The following TNS3 variants were observed in gnomAD, a reference collection of about 807,000 sequenced individuals.
The protein encoded by TNS3 is tensin 3.
TNS3 carries 45 observed loss-of-function variants against 140.9 expected under a neutral mutation model. The observed-to-expected ratio is 0.32, with a 90% CI of 0.25 to 0.41. The LOEUF is 0.41. TNS3 is among the 10% of genes least tolerant of loss of function. TNS3 has a pLI of 1.00. For synonymous variants in TNS3, 815 were observed against 788.4 expected (o/e 1.03, Z -0.56); for missense variants, 1,716 against 1,906.7 (o/e 0.90, Z 1.86).
intron 1 of TNS3, among the ~76,000 whole-genome samples, chr7:47,540,732 G>A (rs769544289): frequency 2.0e-5 from 3 of 152,216 alleles, no homozygotes; most frequent in Non-Finnish European, 4.4e-5. Context: ...AGGAAAAGAG[G>A]TGAGGAGAGG....
chr7:47,550,794 C>G (rs1047802531), intron 1 of TNS3, among the ~76,000 whole-genome samples: 4 of 152,082 alleles, frequency 2.6e-5, no homozygotes, highest in Non-Finnish European at 5.9e-5. Flanking sequence ...GATTCGAATA[C>G]TATGAAGTCA....
chr7:47,445,982 A>G (rs1442003883), intron 4 of TNS3, among the ~76,000 whole-genome samples: 2 of 152,244 alleles, frequency 1.3e-5, no homozygotes, highest in Non-Finnish European at 2.9e-5. Context: ...AACTTGCTAT[A>G]GGTTATATTA....
At chr7:47,430,442 A>C (rs545733313) in intron 8 of TNS3, among the ~76,000 whole-genome samples, 50 of 151,930 alleles carry the variant, frequency 3.3e-4, no homozygotes, top group African/African-American at 1.2e-3. Context: ...TAAAGCAAAT[A>C]TTAAAAGATC....
chr7:47,489,114 A>T (rs745681836), intron 3 of TNS3, among the ~76,000 whole-genome samples: 1 of 152,158 alleles, frequency 6.6e-6, no homozygotes, highest in Non-Finnish European at 1.5e-5. Context: ...TTATCCCACT[A>T]AGCGTCAAAG....
At chr7:47,446,713 T>TTTTTTTTTG (rs1795756728) in intron 4 of TNS3, among the ~76,000 whole-genome samples, 1 of 140,252 alleles carries the variant, frequency 7.1e-6, no homozygotes, top group Non-Finnish European at 1.6e-5. Flanking sequence ...TTTTTTTTTT[T>TTTTTTTTTG]GAGTCTCACT....
rs762133923 is a variant in TNS3 at position 47,344,993 on chromosome 7, T to G, written c.2497A>C (p.Arg833=). 38 of 1,614,128 alleles carry G rather than the reference T, an allele frequency of 2.4e-5. No homozygotes were observed. In the African/African-American group the frequency reaches 4.4e-4, roughly 19 times the overall value. ...YPQDLDIIDG[R]ILSSKESMCS... ...ATGGACTCCTTGCTACTTAAAATTC[T>G]GCCATCGATAATATCGAGGTCCTGG... Residue 833 remains arginine (R), a synonymous_variant, in exon 19 of 31, where the codon AGA becomes CGA. Coordinates refer to ENST00000311160, the MANE Select transcript of TNS3 (RefSeq NM_022748.12).
chr7:47,285,208 T>G (rs1430807754), intron 27 of TNS3, among the ~76,000 whole-genome samples: 6 of 152,236 alleles, frequency 3.9e-5, no homozygotes, highest in South Asian at 2.1e-4. Context: ...ATCCTTTCTA[T>G]CCACCGCAAA....
At chr7:47,472,508 A>T (rs917830430) in intron 4 of TNS3, among the ~76,000 whole-genome samples, 12 of 152,210 alleles carry the variant, frequency 7.9e-5, no homozygotes, top group African/African-American at 2.9e-4. Flanking sequence ...ATATAGGGAG[A>T]AACTTTCAAA....
At chr7:47,414,430 G>A (rs1793961271) in intron 11 of TNS3, among the ~76,000 whole-genome samples, 1 of 152,220 alleles carries the variant, frequency 6.6e-6, no homozygotes, top group Non-Finnish European at 1.5e-5. Flanking sequence ...GCATAGGACT[G>A]GGAAGGAGAG....
intron 20 of TNS3, among the ~76,000 whole-genome samples, chr7:47,327,742 C>G (rs889350302): frequency 2.0e-5 from 3 of 152,206 alleles, no homozygotes; most frequent in African/African-American, 7.2e-5. Context: ...GAACTGTCAT[C>G]AAGTGACAAG....
rs772031643 is a variant in TNS3, at chr7:47,369,193, G to A, written c.1453C>T (p.His485Tyr). The change falls in exon 17 of 31, where the codon CAC (histidine) becomes TAC (tyrosine). Residue 485 changes from histidine to tyrosine, a missense_variant. By Grantham distance (83) the His-to-Tyr change is moderately conservative (BLOSUM62 2). Coordinates refer to ENST00000311160, the MANE Select transcript of TNS3 (RefSeq NM_022748.12). Reference protein sequence around the residue: ...TDILDDEMPHHDLHSVDSLGT... With the variant: ...TDILDDEMPHYDLHSVDSLGT... ...AGGCTGTCCACACTGTGCAGGTCGT[G>A]GTGGGGCATCTCGTCATCCAGAATG... 26 of 1,614,072 alleles carry A rather than the reference G, an allele frequency of 1.6e-5. No individual in the cohort carries two copies. The highest frequency in any genetic ancestry group is 2.1e-5 in the Non-Finnish European group (25 of 1,180,046).
chr7:47,282,958 G>A (rs556997178), intron 28 of TNS3, among the ~76,000 whole-genome samples: 3 of 152,192 alleles, frequency 2.0e-5, no homozygotes, highest in African/African-American at 7.2e-5. Context: ...TGGGAAAGCA[G>A]CCAGGCTGGT....
rs1443770188 is a variant in TNS3 at position 47,503,728 on chromosome 7, C to T, written c.-115+3179G>A. ...TCTAAGTCCATGTGGGCTGCTATAA[C>T]AAAATATTGGGAGGCTTATAAACAA... On this transcript the variant is annotated intron_variant, in intron 3 of 30. Transcript: ENST00000311160. 2.6e-5 allele frequency among the ~76,000 whole-genome samples: 4 copies of T among 152,038 alleles called. No homozygotes were observed. In the East Asian group the frequency reaches 7.7e-4, roughly 29 times the overall value.
chr7:47,292,798 A>G (rs936621278), intron 26 of TNS3, 30 bp downstream of exon 26: 1 of 1,603,880 alleles, frequency 6.2e-7, no homozygotes, highest in Non-Finnish European at 8.5e-7. Context: ...CAATCTACAC[A>G]GAGCCTGACT....
chr7:47,509,438 C>T (rs1317918815), intron 2 of TNS3, among the ~76,000 whole-genome samples: 1 of 152,094 alleles, frequency 6.6e-6, no homozygotes, highest in Non-Finnish European at 1.5e-5. Context: ...TGGTCAGCAC[C>T]GCACCAGGCA....
chr7:47,388,404 A>G (rs1243000096), intron 16 of TNS3, among the ~76,000 whole-genome samples: 1 of 152,230 alleles, frequency 6.6e-6, no homozygotes, highest in Non-Finnish European at 1.5e-5. Context: ...TGGGAATTAG[A>G]GTCCAAAGAT....
At position 47,336,294 on chromosome 7, in the gene TNS3, G is replaced by A. The variant is rs150541947; in HGVS notation, c.2650+8461C>T. ...CATAACGTTTGCTAAATCCTGTGGTGTAAACAATCCCGCCCTGGCAGATCC... is the reference window on the plus strand; with the variant it reads ...CATAACGTTTGCTAAATCCTGTGGTATAAACAATCCCGCCCTGGCAGATCC... On this transcript the variant is annotated intron_variant, in intron 20 of 30. Coordinates refer to ENST00000311160, the MANE Select transcript of TNS3 (RefSeq NM_022748.12). 5.2e-4 allele frequency among the ~76,000 whole-genome samples: 79 copies of A among 152,052 alleles called. 1 individual carries two copies. In the East Asian group the frequency reaches 0.014, roughly 26 times the overall value.
intron 1 of TNS3, among the ~76,000 whole-genome samples, chr7:47,537,720 C>T (rs1460613562): frequency 6.6e-6 from 1 of 152,106 alleles, no homozygotes; most frequent in Non-Finnish European, 1.5e-5. Context: ...ATCTACACTA[C>T]CCTGATAATC....
chr7:47,318,517 C>T (rs1787542531), intron 20 of TNS3, among the ~76,000 whole-genome samples: 1 of 152,128 alleles, frequency 6.6e-6, no homozygotes, highest in African/African-American at 2.4e-5. Context: ...AGGAATGCAC[C>T]AGCACAGGGC....
Sources: gnomAD v4.1 joint callset for allele counts (sites outside exome capture counted in the v4.1 genomes callset) on GRCh38, gnomAD v4.1.1 for gene constraint, MANE v1.5 for transcripts, NCBI Gene and HGNC (gene_info 2026-07-23, HGNC 2026-07-21) for gene names.